SNX8: variants seen among roughly 807,000 people sequenced by gnomAD.
The protein encoded by SNX8 is sorting nexin 8.
SNX8 carries 25 observed loss-of-function variants against 51.6 expected under a neutral mutation model. The observed-to-expected ratio is 0.48, with a 90% CI of 0.35 to 0.68. The LOEUF is 0.68. Among genes scored for constraint, SNX8 ranks in the 30% least tolerant of loss-of-function variants. The pLI is 0.00. For synonymous variants in SNX8, 324 were observed against 277.0 expected, an observed-to-expected ratio of 1.17 and a Z score of -1.68; for missense variants, 695 against 624.0, an observed-to-expected ratio of 1.11 and a Z score of -1.21.
At chr7:2,285,064 T>G (rs1562438368) in intron 1 of SNX8, among the ~76,000 whole-genome samples, 1 of 151,778 alleles carries the variant, frequency 6.6e-6, no homozygotes, top group Non-Finnish European at 1.5e-5. Flanking sequence ...TACAAAAAAT[T>G]AGCCGGGTGT....
chr7:2,347,753 C>A (rs2115251457), intron 1 of SNX8, among the ~76,000 whole-genome samples: 1 of 151,598 alleles, frequency 6.6e-6, no homozygotes, highest in Non-Finnish European at 1.5e-5. Flanking sequence ...TGAAGCAATT[C>A]TCCTGTGTCA....
intron 5 of SNX8, among the ~76,000 whole-genome samples, 190 bp from the exon 6 acceptor site, chr7:2,264,648 A>T (rs930779870): frequency 3.9e-5 from 6 of 152,162 alleles, no homozygotes; most frequent in African/African-American, 1.4e-4. Flanking sequence ...AACCATCATC[A>T]CCTGCATGCC....
intron 1 of SNX8, among the ~76,000 whole-genome samples, chr7:2,325,439 C>T (rs1322171408): frequency 5.3e-5 from 8 of 152,120 alleles, no homozygotes; most frequent in Non-Finnish European, 1.2e-4. Context: ...TATAGAAAAC[C>T]TAAATCATCT....
intron 1 of SNX8, among the ~76,000 whole-genome samples, chr7:2,331,628 C>T (rs1378281159): frequency 6.6e-6 from 1 of 151,758 alleles, no homozygotes; most frequent in African/African-American, 2.4e-5. Context: ...TGGTGTGAAC[C>T]CAGAAGTCAG....
chr7:2,329,627 C>T (rs1165628717), intron 1 of SNX8, among the ~76,000 whole-genome samples: 2 of 152,188 alleles, frequency 1.3e-5, no homozygotes, highest in Non-Finnish European at 2.9e-5. Flanking sequence ...CCTTCCCAGA[C>T]TGTGTCCAGC....
intron 1 of SNX8, among the ~76,000 whole-genome samples, chr7:2,344,248 A>G (rs1256433913): frequency 1.3e-5 from 2 of 151,910 alleles, no homozygotes; most frequent in Non-Finnish European, 1.5e-5. Context: ...TTGGGAGGCC[A>G]AGGTGGGAAG....
At chr7:2,327,902 A>G in intron 1 of SNX8, among the ~76,000 whole-genome samples, 1 of 148,026 alleles carries the variant, frequency 6.8e-6, no homozygotes, top group East Asian at 2.1e-4. Flanking sequence ...CCCATTTGTC[A>G]CCCAGGCTGG....
intron 6 of SNX8, among the ~76,000 whole-genome samples, 191 bp downstream of exon 6, chr7:2,264,107 A>G (rs1795404285): frequency 6.6e-6 from 1 of 152,118 alleles, no homozygotes; most frequent in African/African-American, 2.4e-5. Context: ...TCCGTGTTTC[A>G]GGGCCGAAAT....
chr7:2,295,929 T>C (rs1228438645), intron 1 of SNX8, among the ~76,000 whole-genome samples: 1 of 152,176 alleles, frequency 6.6e-6, no homozygotes, highest in African/African-American at 2.4e-5. Context: ...CCTATTCTGT[T>C]CCATGGGTCT....
At chr7:2,303,816 T>C (rs867652761) in intron 1 of SNX8, among the ~76,000 whole-genome samples, 132 of 151,968 alleles carry the variant, frequency 8.7e-4, no homozygotes, top group African/African-American at 2.0e-3. Flanking sequence ...ACAAACACTG[T>C]GGAAGGCCGC....
intron 1 of SNX8, among the ~76,000 whole-genome samples, chr7:2,349,753 G>A (rs1048094537): frequency 6.6e-6 from 1 of 152,050 alleles, no homozygotes; most frequent in Non-Finnish European, 1.5e-5. Context: ...CTTTTCTTAA[G>A]ACAAGGTCTC....
At chr7:2,352,130 A>T (rs562440823) in intron 1 of SNX8, among the ~76,000 whole-genome samples, 18 of 151,846 alleles carry the variant, frequency 1.2e-4, no homozygotes, top group Admixed American at 9.2e-4. Flanking sequence ...CTGGTCTCGA[A>T]CTCCTGACCT....
At chr7:2,291,650 C>T (rs901603830) in intron 1 of SNX8, among the ~76,000 whole-genome samples, 1 of 151,984 alleles carries the variant, frequency 6.6e-6, no homozygotes, top group African/African-American at 2.4e-5. Context: ...AGACCCAACC[C>T]CCTGGTCCTG....
intron 1 of SNX8, among the ~76,000 whole-genome samples, chr7:2,294,727 C>A (rs1473232546): frequency 6.6e-6 from 1 of 152,172 alleles, no homozygotes; most frequent in East Asian, 1.9e-4. Flanking sequence ...CCTCTGCACT[C>A]CGAGGTCCCT....
At chr7:2,281,854 C>T (rs556160044) in intron 1 of SNX8, among the ~76,000 whole-genome samples, 3 of 152,290 alleles carry the variant, frequency 2.0e-5, no homozygotes, top group African/African-American at 7.2e-5. Flanking sequence ...GATGCCCTCA[C>T]CCCTGGGCCT....
intron 1 of SNX8, among the ~76,000 whole-genome samples, chr7:2,298,655 C>G (rs1041780044): frequency 6.6e-6 from 1 of 151,656 alleles, no homozygotes; most frequent in Admixed American, 6.6e-5. Flanking sequence ...CAGGCATGAG[C>G]CACCACACCC....
intron 5 of SNX8, among the ~76,000 whole-genome samples, chr7:2,265,397 G>A (rs923666174): frequency 2.6e-5 from 4 of 152,092 alleles, no homozygotes; most frequent in South Asian, 2.1e-4. Flanking sequence ...GTACCCCAGC[G>A]CTCTGGGAGA....
chr7:2,254,361 C>T lies in SNX8; in HGVS notation c.*695G>A, dbSNP rs1286912360. On this transcript the variant is annotated 3_prime_UTR_variant, in exon 11 of 11. Transcript: ENST00000222990. Reference sequence around the variant, plus strand: ...ACGAGAACACAGCTGCTGTAGCGCCCACTCTCAGAGCCCCAGCTCTCCGTC... The same window carrying T: ...ACGAGAACACAGCTGCTGTAGCGCCTACTCTCAGAGCCCCAGCTCTCCGTC... The T allele has an allele frequency of 1.9e-5, 3 of 154,598 alleles. No individual in the cohort carries two copies. Among genetic ancestry groups the T allele is most frequent in the African/African-American group, 7.2e-5 (3 of 41,476 alleles). 9.6% of individuals were successfully genotyped at this position (154,598 alleles called of 1,614,324 possible).
intron 1 of SNX8, among the ~76,000 whole-genome samples, chr7:2,346,752 A>AG (rs1779036464): frequency 6.8e-6 from 1 of 147,460 alleles, no homozygotes; most frequent in Admixed American, 6.8e-5. Context: ...AAAAAAAAAA[A>AG]AAAAAAAACA....
Sources: allele counts gnomAD v4.1 joint callset (sites outside exome capture counted in the v4.1 genomes callset), GRCh38; gene constraint gnomAD v4.1.1; transcripts MANE v1.5; gene names NCBI Gene and HGNC (gene_info 2026-07-23, HGNC 2026-07-21).